GFM1: variants seen among roughly 807,000 people sequenced by gnomAD.
The protein encoded by GFM1 is G elongation factor mitochondrial 1.
Under a neutral mutation model 96.2 loss-of-function variants are expected in GFM1, and 62 were observed. That is an observed-to-expected ratio of 0.64 (90% CI 0.53 to 0.80). The LOEUF is 0.80. Ranked by LOEUF, GFM1 falls within the 30% of genes least tolerant of loss-of-function variation. GFM1 has a pLI of 0.00. For missense variants in GFM1, 852 were observed against 916.6 expected, an observed-to-expected ratio of 0.93 and a Z score of 0.91; for synonymous variants, 282 against 312.9, an observed-to-expected ratio of 0.90 and a Z score of 1.04.
chr3:158,660,656 G>A, intron 9 of GFM1: 1 of 556,246 alleles, frequency 1.8e-6, no homozygotes, highest in South Asian at 2.1e-5. Flanking sequence ...GTAAAATCTT[G>A]TCTATTGATA....
intron 8 of GFM1, among the ~76,000 whole-genome samples, chr3:158,655,048 T>C (rs1722630049): frequency 1.3e-5 from 2 of 152,232 alleles, no homozygotes; most frequent in Admixed American, 1.3e-4. Flanking sequence ...TCTACTGTTA[T>C]AAATAACATT....
intron 8 of GFM1, chr3:158,656,517 C>G (rs1722772144): frequency 6.6e-6 from 1 of 152,374 alleles, no homozygotes; most frequent in Admixed American, 6.5e-5. Flanking sequence ...TGACAGGTTT[C>G]TCTGCTGTAA....
chr3:158,662,634 A>G lies in GFM1; in HGVS notation c.1330A>G (p.Ile444Val), dbSNP rs997788371. ...CTTTTAAAAAATATTTTAGGAGTCA[A>G]TTCATGTTCCTGATCCTGTCATTTC... ...KANSGLSMESIHVPDPVISIA... is the reference protein window; with the variant it reads ...KANSGLSMESVHVPDPVISIA... The change falls in exon 11 of 18, where the codon ATT (isoleucine) becomes GTT (valine). Residue 444 changes from isoleucine (I) to valine (V), a missense_variant. Coordinates refer to ENST00000486715, the MANE Select transcript of GFM1 (RefSeq NM_024996.7). 1.9e-6 allele frequency: 3 copies of G among 1,592,100 alleles called. No homozygotes were observed. The highest frequency in any genetic ancestry group is 1.3e-5 in the African/African-American group (1 of 74,520).
intron 13 of GFM1, chr3:158,668,865 T>A: frequency 1.3e-6 from 1 of 742,344 alleles, no homozygotes; most frequent in Non-Finnish European, 2.1e-6. Flanking sequence ...GTACCTGACC[T>A]CCCCTTTGAA....
chr3:158,648,999 G>T, intron 4 of GFM1, 42 bp from the exon 5 acceptor site: 1 of 888,316 alleles, frequency 1.1e-6, no homozygotes, highest in Non-Finnish European at 1.9e-6. Context: ...AAGGGATTAG[G>T]GGAGAAGAAA....
At chr3:158,689,645 G>C (rs1726140810) in intron 15 of GFM1, among the ~76,000 whole-genome samples, 2 of 151,682 alleles carry the variant, frequency 1.3e-5, no homozygotes, top group African/African-American at 4.8e-5. Flanking sequence ...GCAGATACCT[G>C]TAATCCCAGC....
rs186199043 is a variant in GFM1, at chr3:158,662,164, G to C, written c.1324-464G>C. Among the ~76,000 whole-genome samples the C allele has an allele frequency of 4.8e-4, 73 of 152,200 alleles. No individual in the cohort carries two copies. In the South Asian group the frequency reaches 0.012, roughly 25 times the overall value. ...CTTTAGTGACTGCATTCGTAAAATG[G>C]GGATAATACCTGCTTCTCAGAGTTG... On this transcript the variant is annotated intron_variant, in intron 10 of 17. Transcript: ENST00000486715.
At chr3:158,676,702 T>C (rs1202777525) in intron 13 of GFM1, among the ~76,000 whole-genome samples, 1 of 95,296 alleles carries the variant, frequency 1.0e-5, no homozygotes, top group Non-Finnish European at 2.2e-5. Flanking sequence ...TTTCTTTTTC[T>C]TTTTTTTTTT....
At chr3:158,667,671 C>A (rs1259202202) in intron 13 of GFM1, among the ~76,000 whole-genome samples, 1 of 152,006 alleles carries the variant, frequency 6.6e-6, no homozygotes, top group Non-Finnish European at 1.5e-5. Flanking sequence ...GCCTGTACTC[C>A]CAGCCACCTG....
At position 158,667,805 on chromosome 3, in the gene GFM1, CAAAA is replaced by C. The variant is rs552806987; in HGVS notation, c.1601+1423_1601+1426del. On this transcript the variant is annotated intron_variant, in intron 13 of 17. Coordinates refer to ENST00000486715, the MANE Select transcript of GFM1 (RefSeq NM_024996.7). ...CCTGTCTCAAAAACAGGCAAACAAACAAAAAAACCAGAACACCTGAGAATAGTAA... is the reference window on the plus strand; with the variant it reads ...CCTGTCTCAAAAACAGGCAAACAAACAAACCAGAACACCTGAGAATAGTAA... Among the ~76,000 whole-genome samples, 5 of 151,972 alleles carry C rather than the reference CAAAA, an allele frequency of 3.3e-5. No homozygotes were observed. The East Asian group carries it at 9.6e-4, about 29-fold the overall frequency.
At chr3:158,672,581 G>A (rs1201135074) in intron 13 of GFM1, 14 of 1,436,674 alleles carry the variant, frequency 9.7e-6, no homozygotes, top group East Asian at 2.4e-5. Flanking sequence ...TTGCCGAGGC[G>A]GAAAAGTCGC....
At position 158,652,138 on chromosome 3, in the gene GFM1, G is replaced by A. The variant is rs1418174737; in HGVS notation, c.732G>A (p.Ala244=). ...GTGAGATTCCAGCTGAATTAAGGGC[G>A]GCGGCCACTGACCACCGGCAGGAGC... ...RYGEIPAELR[A]AATDHRQELI... The change falls in exon 6 of 18, where the codon GCG becomes GCA. Residue 244 remains alanine (A), a synonymous_variant. Transcript: ENST00000486715. The A allele has an allele frequency of 3.7e-6, 6 of 1,613,756 alleles. No homozygotes were observed. Among genetic ancestry groups the A allele is most frequent in the South Asian group, 3.3e-5 (3 of 91,042 alleles).
At chr3:158,660,651 A>G (rs1004731002) in intron 9 of GFM1, 3 of 547,084 alleles carry the variant, frequency 5.5e-6, no homozygotes, top group Non-Finnish European at 9.8e-6. Flanking sequence ...TTAAAGTAAA[A>G]TCTTGTCTAT....
rs780356612 is a variant in GFM1 at position 158,669,455 on chromosome 3, C to T, written c.1601+3069C>T. The T allele has an allele frequency of 7.4e-6, 12 of 1,612,494 alleles. 1 individual carries two copies. The highest frequency in any genetic ancestry group is 2.7e-5 in the African/African-American group (2 of 74,760). On this transcript the variant is annotated intron_variant, in intron 13 of 17. Coordinates refer to ENST00000486715, the MANE Select transcript of GFM1 (RefSeq NM_024996.7). ...TACCTGGAATATTTTGTGCTTCTAG[C>T]GGTTCCTTCATGGACTTAAGTCTTT...
intron 9 of GFM1, among the ~76,000 whole-genome samples, chr3:158,659,993 A>G (rs1723070158): frequency 6.6e-6 from 1 of 152,204 alleles, no homozygotes; most frequent in South Asian, 2.1e-4. Flanking sequence ...TTGTGAATGA[A>G]CTGTCAATGT....
In GFM1 at chr3:158,646,744, G is replaced by A; in HGVS notation, c.369G>A (p.Gly123=). The A allele has an allele frequency of 6.2e-7, 1 of 1,612,244 alleles. No individual in the cohort carries two copies. Among genetic ancestry groups the A allele is most frequent in the Non-Finnish European group, 8.5e-7 (1 of 1,179,162 alleles). The change falls in exon 4 of 18, where the codon GGG becomes GGA. Residue 123 remains glycine, a splice_region_variant and synonymous_variant. Coordinates refer to ENST00000486715, the MANE Select transcript of GFM1 (RefSeq NM_024996.7). ...DVNINIIDTP[G]HVDFTIEVER... Reference sequence around the variant, plus strand: ...CCTCTCATACTTCATCTTATTCAGGGCATGTGGACTTCACAATAGAAGTGG... The same window carrying A: ...CCTCTCATACTTCATCTTATTCAGGACATGTGGACTTCACAATAGAAGTGG...
chr3:158,657,857 C>T lies in GFM1; in HGVS notation c.1084-1065C>T, dbSNP rs1212460856. Reference sequence around the variant, plus strand: ...TTATACTTTAGATTTTTATACTGTACTCTGTGGGGTGTTTAGTCTAATTTG... The same window carrying T: ...TTATACTTTAGATTTTTATACTGTATTCTGTGGGGTGTTTAGTCTAATTTG... On this transcript the variant is annotated intron_variant, in intron 8 of 17. Transcript: ENST00000486715. Among the ~76,000 whole-genome samples, 3 of 152,022 alleles carry T rather than the reference C, an allele frequency of 2.0e-5. No individual in the cohort carries two copies. The East Asian group carries it at 5.8e-4, about 29-fold the overall frequency.
intron 12 of GFM1, among the ~76,000 whole-genome samples, chr3:158,666,010 A>G (rs1723639123): frequency 6.6e-6 from 1 of 152,212 alleles, no homozygotes; most frequent in African/African-American, 2.4e-5. Context: ...ACAGATTTAT[A>G]TATTATTCCA....
chr3:158,691,560 CAA>C lies in GFM1; in HGVS notation c.*94_*95del. On this transcript the variant is annotated 3_prime_UTR_variant, in exon 18 of 18. Transcript: ENST00000486715. The stretch of plus-strand genomic sequence containing the variant: ...GTGGAATAAATTCAGGCTGCTGAAA[CAA>C]GAAATTCTGAGCCCAGGAAGCGGGC... 1 of 1,442,466 alleles carries C rather than the reference CAA, an allele frequency of 6.9e-7. No homozygotes were observed. Among genetic ancestry groups the C allele is most frequent in the Non-Finnish European group, 9.7e-7 (1 of 1,030,992 alleles). The allele number at this position is 1,442,466 out of a possible 1,614,324, so 89.4% of individuals were successfully genotyped here. A position where few individuals can be genotyped will look rare whatever the true frequency, so the allele number is the denominator to read the frequency against.
Sources: gnomAD v4.1 joint callset for allele counts (sites outside exome capture counted in the v4.1 genomes callset) on GRCh38, gnomAD v4.1.1 for gene constraint, MANE v1.5 for transcripts, NCBI Gene and HGNC (gene_info 2026-07-23, HGNC 2026-07-21) for gene names.